Variants in EVA1A observed in about 807,000 individuals in gnomAD.
The protein encoded by EVA1A is eva-1 homolog A, regulator of programmed cell death.
EVA1A carries 7 observed loss-of-function variants against 9.8 expected under a neutral mutation model. That is an observed-to-expected ratio of 0.71 (90% CI 0.41 to 1.34). The LOEUF (loss-of-function observed/expected upper bound fraction) is 1.34. EVA1A is among the 40% of genes most tolerant of loss of function. The pLI is 0.01. For missense variants in EVA1A, 206 were observed against 205.9 expected, an observed-to-expected ratio of 1.00 and a Z score of 0.00; for synonymous variants, 90 against 85.6, an observed-to-expected ratio of 1.05 and a Z score of -0.28.
At chr2:75,555,492 T>C (rs531501693) in intron 1 of EVA1A, among the ~76,000 whole-genome samples, 2 of 152,182 alleles carry the variant, frequency 1.3e-5, no homozygotes, top group African/African-American at 2.4e-5. Flanking sequence ...GCTAGGACTT[T>C]GAAAAGAAAA....
chr2:75,568,442 T>C (rs1286875588), intron 1 of EVA1A, among the ~76,000 whole-genome samples: 1 of 151,586 alleles, frequency 6.6e-6, no homozygotes, highest in Non-Finnish European at 1.5e-5. Context: ...GACCCATTTC[T>C]AGATATTGTC....
chr2:75,534,327 C>T (rs1221299232), intron 1 of EVA1A, among the ~76,000 whole-genome samples: 2 of 151,984 alleles, frequency 1.3e-5, no homozygotes, highest in Non-Finnish European at 2.9e-5. Context: ...CAAAGGGAAG[C>T]AAAGCATGGT....
At chr2:75,506,384 C>A (rs1192990244) in intron 3 of EVA1A, among the ~76,000 whole-genome samples, 2 of 152,210 alleles carry the variant, frequency 1.3e-5, no homozygotes, top group Non-Finnish European at 2.9e-5. Flanking sequence ...TTGCTATCAT[C>A]TGTGTACAAA....
chr2:75,563,111 C>T (rs1479140629), upstream of EVA1A, among the ~76,000 whole-genome samples: 4 of 152,226 alleles, frequency 2.6e-5, no homozygotes, highest in Admixed American at 2.0e-4. Flanking sequence ...AGTCACTGGG[C>T]TGTGTCTCAC....
intron 1 of EVA1A, among the ~76,000 whole-genome samples, chr2:75,532,122 T>C (rs1313306266): frequency 7.7e-6 from 1 of 130,006 alleles, no homozygotes; most frequent in African/African-American, 3.0e-5. Context: ...ATCAGGCCAT[T>C]GCACTCCAGC....
chr2:75,546,219 T>C (rs1429966975), intron 1 of EVA1A, among the ~76,000 whole-genome samples: 1 of 152,128 alleles, frequency 6.6e-6, no homozygotes, highest in African/African-American at 2.4e-5. Context: ...CTATTCAATT[T>C]CTCCACTCTA....
At chr2:75,516,461 T>C (rs1348028417) in intron 3 of EVA1A, among the ~76,000 whole-genome samples, 2 of 152,176 alleles carry the variant, frequency 1.3e-5, no homozygotes, top group Non-Finnish European at 2.9e-5. Context: ...TTCATGAGTA[T>C]GGGGCAGGAA....
chr2:75,509,434 A>G (rs1402810368), intron 3 of EVA1A, among the ~76,000 whole-genome samples: 1 of 152,158 alleles, frequency 6.6e-6, no homozygotes, highest in Non-Finnish European at 1.5e-5. Context: ...CTCTCATGTT[A>G]TTAAAATTTT....
intron 3 of EVA1A, 45 bp downstream of exon 3, chr2:75,518,011 C>T: frequency 1.9e-6 from 3 of 1,611,004 alleles, no homozygotes; most frequent in South Asian, 1.1e-5. Context: ...ACCTTGGACC[C>T]AGCCCCAGAC....
intron 1 of EVA1A, among the ~76,000 whole-genome samples, chr2:75,566,403 T>C (rs1265082686): frequency 1.3e-5 from 2 of 152,108 alleles, no homozygotes; most frequent in Non-Finnish European, 2.9e-5. Context: ...TACAAAGGAA[T>C]ATGAGAGGAT....
At chr2:75,498,357 T>C (rs1319238057) in intron 3 of EVA1A, among the ~76,000 whole-genome samples, 1 of 151,952 alleles carries the variant, frequency 6.6e-6, no homozygotes, top group Non-Finnish European at 1.5e-5. Flanking sequence ...GGGGAATGGG[T>C]TGGAAAACTA....
upstream of EVA1A, chr2:75,561,237 GC>G (rs1213067901): frequency 6.6e-6 from 1 of 152,288 alleles, no homozygotes; most frequent in Non-Finnish European, 1.5e-5. Context: ...GCTGGGACGA[GC>G]CCAGATTTGA....
chr2:75,518,296 T>G, intron 2 of EVA1A, 88 bp from the exon 3 acceptor site: 1 of 1,346,278 alleles, frequency 7.4e-7, no homozygotes, highest in African/African-American at 1.5e-5. Flanking sequence ...AAGACATATT[T>G]TTGCAACAGC....
At chr2:75,521,816 T>C (rs1675239810) in intron 2 of EVA1A, among the ~76,000 whole-genome samples, 1 of 152,238 alleles carries the variant, frequency 6.6e-6, no homozygotes, top group South Asian at 2.1e-4. Flanking sequence ...TAATTTAAGA[T>C]GACGAATTTT....
At position 75,551,084 on chromosome 2, in the gene EVA1A, C is replaced by T. The variant is rs183649612; in HGVS notation, c.-192+9596G>A. 9.0e-4 allele frequency among the ~76,000 whole-genome samples: 137 copies of T among 152,196 alleles called. 1 individual carries two copies. The highest frequency in any genetic ancestry group is 3.1e-3 in the African/African-American group (128 of 41,514). On this transcript the variant is annotated intron_variant, in intron 1 of 3. Coordinates refer to ENST00000393913, the MANE Select transcript of EVA1A (RefSeq NM_001135032.2). ...GTTGCAGTGAGCCAAGATCGCACCA[C>T]ACATTCCAGCCTGGGCGACAGAGCA...
intron 3 of EVA1A, 145 bp downstream of exon 3, chr2:75,517,911 A>C: frequency 1.1e-6 from 1 of 950,870 alleles, no homozygotes; most frequent in African/African-American, 1.6e-5. Flanking sequence ...GAGACCTTTC[A>C]TCTCAAAGCT....
intron 1 of EVA1A, among the ~76,000 whole-genome samples, chr2:75,557,805 A>G (rs919330198): frequency 6.6e-6 from 1 of 152,264 alleles, no homozygotes; most frequent in Non-Finnish European, 1.5e-5. Context: ...GGGCAGGGCC[A>G]GGAGGCAAGG....
intron 2 of EVA1A, among the ~76,000 whole-genome samples, chr2:75,521,479 C>T (rs766022942): frequency 7.9e-5 from 12 of 152,150 alleles, no homozygotes; most frequent in Non-Finnish European, 1.8e-4. Context: ...GTTGTCTACA[C>T]ATACAATGCA....
chr2:75,554,677 A>T (rs1303614758), intron 1 of EVA1A, among the ~76,000 whole-genome samples: 1 of 152,052 alleles, frequency 6.6e-6, no homozygotes, highest in Non-Finnish European at 1.5e-5. Flanking sequence ...CAGACCTCAG[A>T]GGGTGTTTGT....
Sources: allele counts gnomAD v4.1 joint callset (sites outside exome capture counted in the v4.1 genomes callset), GRCh38; gene constraint gnomAD v4.1.1; transcripts MANE v1.5; gene names NCBI Gene and HGNC (gene_info 2026-07-23, HGNC 2026-07-21).